Variants in VPS13A observed in about 807,000 individuals in gnomAD.
VPS13A encodes the protein vacuolar protein sorting 13 homolog A, also known as intermembrane lipid transfer protein VPS13A.
In VPS13A, 264 loss-of-function variants were observed where a neutral mutation model predicts 390.9. The observed-to-expected ratio is 0.68, with a 90% CI of 0.61 to 0.75. The LOEUF (loss-of-function observed/expected upper bound fraction) is 0.75, where lower values mean the gene tolerates loss of function less well. Among genes scored for constraint, VPS13A ranks in the 30% least tolerant of loss-of-function variants. VPS13A has a pLI of 0.00. For missense variants in VPS13A, 3,409 were observed against 3,733.9 expected, an observed-to-expected ratio of 0.91 and a Z score of 2.27; for synonymous variants, 1,231 against 1,227.1, an observed-to-expected ratio of 1.00 and a Z score of -0.07.
chr9:77,265,163 A>G (rs1165156942), intron 23 of VPS13A, among the ~76,000 whole-genome samples: 1 of 152,184 alleles, frequency 6.6e-6, no homozygotes, highest in African/African-American at 2.4e-5. Context: ...ATTGTGATGG[A>G]TAAGCTTTTT....
chr9:77,400,035 TAATG>T (rs1453755064), intron 68 of VPS13A, among the ~76,000 whole-genome samples: 1 of 152,226 alleles, frequency 6.6e-6, no homozygotes, highest in African/African-American at 2.4e-5. Flanking sequence ...AGTACCCTTT[TAATG>T]AATATTTAGA....
intron 68 of VPS13A, chr9:77,385,084 A>T (rs78198903): frequency 0.11 from 104,116 of 978,250 alleles, 5,721 homozygotes; most frequent in Middle Eastern, 0.12. Flanking sequence ...GCCACTGTGT[A>T]AAAAAAAAGG....
rs2058380071 is a variant in VPS13A at position 77,419,841 on chromosome 9, C to T, written c.*3835C>T. On this transcript the variant is annotated 3_prime_UTR_variant, in exon 72 of 72. Coordinates refer to ENST00000360280, the MANE Select transcript of VPS13A (RefSeq NM_033305.3). Reference sequence around the variant, plus strand: ...TTTGGCTGATTCACCATACAGGTGGCAAAGGCCTTTAAAAATGGGGAGCTA... The same window carrying T: ...TTTGGCTGATTCACCATACAGGTGGTAAAGGCCTTTAAAAATGGGGAGCTA... The T allele has an allele frequency of 6.6e-6, 1 of 152,184 alleles. No homozygotes were observed. Among genetic ancestry groups the T allele is most frequent in the Non-Finnish European group, 1.5e-5 (1 of 68,032 alleles). The allele number at this position is 152,184 out of a possible 1,614,324, so 9.4% of individuals were successfully genotyped here. A position where few individuals can be genotyped will look rare whatever the true frequency, so the allele number is the denominator to read the frequency against.
At chr9:77,198,715 G>A (rs1405791653) in intron 1 of VPS13A, among the ~76,000 whole-genome samples, 1 of 151,926 alleles carries the variant, frequency 6.6e-6, no homozygotes, top group Admixed American at 6.6e-5. Context: ...CCAGGCTGGA[G>A]TGCAGTGGCG....
intron 54 of VPS13A, among the ~76,000 whole-genome samples, chr9:77,355,981 T>A (rs1831755037): frequency 6.6e-6 from 1 of 152,230 alleles, no homozygotes; most frequent in Non-Finnish European, 1.5e-5. Flanking sequence ...ACAGAGTGTA[T>A]TCTTAACGAA....
intron 26 of VPS13A, 112 bp downstream of exon 26, chr9:77,276,333 A>C: frequency 1.0e-6 from 1 of 1,004,788 alleles, no homozygotes; most frequent in Non-Finnish European, 1.4e-6. Context: ...AAATATTCTC[A>C]GAGAACCATT....
rs1835211956 is a variant in VPS13A, at chr9:77,417,673, C to G, written c.*1667C>G. On this transcript the variant is annotated 3_prime_UTR_variant, in exon 72 of 72. Coordinates refer to ENST00000360280, the MANE Select transcript of VPS13A (RefSeq NM_033305.3). ...GACTGTCCTCATCCAAAACGAAATA[C>G]TTCATTACCCAATGTTATGATTTCA... 6.6e-6 allele frequency: 1 copy of G among 152,162 alleles called. No individual in the cohort carries two copies. Among genetic ancestry groups the G allele is most frequent in the South Asian group, 2.1e-4 (1 of 4,834 alleles). The allele number at this position is 152,162 out of a possible 1,614,324, so 9.4% of individuals were successfully genotyped here. A position where few individuals can be genotyped will look rare whatever the true frequency, so the allele number is the denominator to read the frequency against.
rs541420180 is a variant in VPS13A at position 77,284,576 on chromosome 9, T to G, written c.3339+926T>G. Among the ~76,000 whole-genome samples the G allele has an allele frequency of 2.6e-5, 4 of 152,270 alleles. No homozygotes were observed. The South Asian group carries it at 8.3e-4, about 32-fold the overall frequency. ...CATAAGTATCAGAGTATTTAAGAAA[T>G]AGGTTATCCATTTTATTTTCCCTAT... On this transcript the variant is annotated intron_variant, in intron 31 of 71. Transcript: ENST00000360280.
intron 22 of VPS13A, among the ~76,000 whole-genome samples, chr9:77,256,611 ACTGT>A (rs1226083246): frequency 1.3e-5 from 2 of 152,044 alleles, no homozygotes; most frequent in East Asian, 3.9e-4. Context: ...TTATCAAGGA[ACTGT>A]CTGTTTCTTC....
At chr9:77,394,222 A>G (rs1587713667) in intron 68 of VPS13A, among the ~76,000 whole-genome samples, 1 of 144,350 alleles carries the variant, frequency 6.9e-6, no homozygotes, top group African/African-American at 2.5e-5. Flanking sequence ...GTGCCACCAC[A>G]TCTGGCTAAT....
intron 10 of VPS13A, 130 bp downstream of exon 10, chr9:77,214,516 A>C: frequency 1.6e-6 from 1 of 637,264 alleles, no homozygotes; most frequent in Non-Finnish European, 2.7e-6. Context: ...TTTATAATGT[A>C]TATACAAAAG....
intron 17 of VPS13A, among the ~76,000 whole-genome samples, chr9:77,229,742 A>G (rs376707846): frequency 1.3e-5 from 2 of 152,090 alleles, no homozygotes; most frequent in African/African-American, 4.8e-5. Flanking sequence ...TTCATGAGTA[A>G]TATTTTGTTT....
At chr9:77,363,904 G>C (rs1237213813) in intron 59 of VPS13A, among the ~76,000 whole-genome samples, 1 of 152,160 alleles carries the variant, frequency 6.6e-6, no homozygotes, top group African/African-American at 2.4e-5. Context: ...GAAGCTGGCG[G>C]TGGGAACAGT....
At position 77,298,913 on chromosome 9, in the gene VPS13A, G is replaced by A. The variant is rs576835839; in HGVS notation, c.3812+3067G>A. ...TGCCTGCCGCTGTGTAAGATGTGCC[G>A]CTGTGTCTCCTTTACTTTCTGCCAT... On this transcript the variant is annotated intron_variant, in intron 33 of 71. Coordinates refer to ENST00000360280, the MANE Select transcript of VPS13A (RefSeq NM_033305.3). 1.4e-4 allele frequency among the ~76,000 whole-genome samples: 21 copies of A among 152,246 alleles called. No homozygotes were observed. The South Asian group carries it at 1.7e-3, about 12-fold the overall frequency.
chr9:77,268,287 G>A (rs1285659679), intron 23 of VPS13A, among the ~76,000 whole-genome samples: 5 of 152,186 alleles, frequency 3.3e-5, no homozygotes, highest in East Asian at 3.9e-4. Flanking sequence ...GTAGGCACCC[G>A]AGGGAATCTC....
At chr9:77,194,991 T>C (rs990655205) in intron 1 of VPS13A, among the ~76,000 whole-genome samples, 4 of 152,036 alleles carry the variant, frequency 2.6e-5, no homozygotes, top group African/African-American at 7.3e-5. Context: ...AATTCACCTA[T>C]TTTTTTTCTT....
chr9:77,357,736 G>C lies in VPS13A; in HGVS notation c.7851G>C (p.Pro2617=), dbSNP rs753711996. The C allele has an allele frequency of 6.2e-7, 1 of 1,613,838 alleles. No individual in the cohort carries two copies. Among genetic ancestry groups the C allele is most frequent in the South Asian group, 1.1e-5 (1 of 91,066 alleles). ...PTGHNMKILQ[P]HVIALRRNYL... is the part of the protein sequence containing the mutation. ...GTCATAACATGAAAATTCTGCAGCCGCATGTAATAGCTCTACGAAGAAATT... is the reference window on the plus strand; with the variant it reads ...GTCATAACATGAAAATTCTGCAGCCCCATGTAATAGCTCTACGAAGAAATT... The change falls in exon 56 of 72, where the codon CCG becomes CCC. Residue 2617 remains proline (P), a synonymous_variant. Transcript: ENST00000360280.
intron 3 of VPS13A, among the ~76,000 whole-genome samples, chr9:77,201,821 A>C (rs79186368): frequency 1.3e-5 from 2 of 152,092 alleles, no homozygotes; most frequent in Non-Finnish European, 2.9e-5. Flanking sequence ...CTGCTCTGCA[A>C]GTTTTTGTAT....
chr9:77,243,929 A>G (rs1824653916), intron 19 of VPS13A, among the ~76,000 whole-genome samples: 1 of 152,188 alleles, frequency 6.6e-6, no homozygotes, highest in Non-Finnish European at 1.5e-5. Context: ...GTTACTCCAA[A>G]GAGTAACTTT....
Sources: gnomAD v4.1 joint callset for allele counts (sites outside exome capture counted in the v4.1 genomes callset) on GRCh38, gnomAD v4.1.1 for gene constraint, MANE v1.5 for transcripts, NCBI Gene and HGNC (gene_info 2026-07-23, HGNC 2026-07-21) for gene names.